The following SMIM14 variants were observed in gnomAD, a reference collection of about 807,000 sequenced individuals.
SMIM14 encodes small integral membrane protein 14, also known as chromosome 4 open reading frame 34.
Under a neutral mutation model 12.6 loss-of-function variants are expected in SMIM14, and 5 were observed. The observed-to-expected ratio is 0.40, with a 90% CI of 0.21 to 0.83. The LOEUF (loss-of-function observed/expected upper bound fraction) is 0.83, where lower values mean the gene tolerates loss of function less well. Among genes scored for constraint, SMIM14 ranks in the 40% least tolerant of loss-of-function variants. The pLI is 0.37. For synonymous variants in SMIM14, 30 were observed against 40.1 expected (o/e 0.75, Z 0.95); for missense variants, 86 against 119.1 (o/e 0.72, Z 1.29).
intron 3 of SMIM14, among the ~76,000 whole-genome samples, chr4:39,566,818 T>C (rs540856858): frequency 6.6e-6 from 1 of 152,064 alleles, no homozygotes; most frequent in Non-Finnish European, 1.5e-5. Flanking sequence ...AGTACAAAAA[T>C]TAGCCAGGCG....
intron 1 of SMIM14, among the ~76,000 whole-genome samples, chr4:39,625,261 A>G (rs1243119306): frequency 2.6e-5 from 4 of 151,868 alleles, no homozygotes; most frequent in Non-Finnish European, 5.9e-5. Context: ...AAGGATGCAG[A>G]CTCAAGTTCA....
chr4:39,588,782 TA>T (rs1304405977), intron 2 of SMIM14, among the ~76,000 whole-genome samples: 1 of 151,852 alleles, frequency 6.6e-6, no homozygotes, highest in Non-Finnish European at 1.5e-5. Context: ...AATGTATTGA[TA>T]TTTTTTGAAA....
At chr4:39,600,463 G>A (rs1714561818) in intron 2 of SMIM14, among the ~76,000 whole-genome samples, 1 of 152,122 alleles carries the variant, frequency 6.6e-6, no homozygotes, top group African/African-American at 2.4e-5. Flanking sequence ...GCCGAGGCGG[G>A]TGGATCACCT....
At chr4:39,602,452 G>A (rs1448827167) in intron 2 of SMIM14, among the ~76,000 whole-genome samples, 1 of 151,944 alleles carries the variant, frequency 6.6e-6, no homozygotes, top group Non-Finnish European at 1.5e-5. Flanking sequence ...AAAAGTAGCT[G>A]GGCGTGGTGG....
chr4:39,607,237 T>C (rs1714848585), intron 1 of SMIM14, among the ~76,000 whole-genome samples: 2 of 152,200 alleles, frequency 1.3e-5, no homozygotes, highest in Non-Finnish European at 2.9e-5. Context: ...TCAAAACTTA[T>C]CAAATTGTAT....
chr4:39,554,202 G>T (rs1711883490), intron 4 of SMIM14, among the ~76,000 whole-genome samples: 1 of 152,196 alleles, frequency 6.6e-6, no homozygotes, highest in Non-Finnish European at 1.5e-5. Context: ...GCCGGGCATG[G>T]TGGCTCATGC....
intron 3 of SMIM14, among the ~76,000 whole-genome samples, chr4:39,568,663 T>C (rs1476002468): frequency 6.6e-6 from 1 of 152,214 alleles, no homozygotes; most frequent in Non-Finnish European, 1.5e-5. Flanking sequence ...CTTTTTCCAA[T>C]TGAATAGTAG....
In SMIM14 at chr4:39,585,703, C is replaced by T. The variant is rs28446152; in HGVS notation, c.76-13240G>A. The stretch of plus-strand genomic sequence containing the variant: ...ATCAAAAGATTAAAGTGAAGATGTA[C>T]GAAGTGGGAAAAAAAAAAGTTGCAG... On this transcript the variant is annotated intron_variant, in intron 2 of 4. Coordinates refer to ENST00000295958, the MANE Select transcript of SMIM14 (RefSeq NM_174921.3). Among the ~76,000 whole-genome samples, 713 of 151,762 alleles carry T rather than the reference C, an allele frequency of 4.7e-3. 11 individuals carry two copies. The highest frequency in any genetic ancestry group is 0.016 in the African/African-American group (665 of 41,266).
At chr4:39,638,307 T>C (rs1195463737) in intron 1 of SMIM14, 1 of 239,650 alleles carries the variant, frequency 4.2e-6, no homozygotes, top group Non-Finnish European at 6.8e-6. Flanking sequence ...GGACGCATCC[T>C]AGTGACTTCA....
chr4:39,589,299 T>C (rs1825416), intron 2 of SMIM14, among the ~76,000 whole-genome samples: 134,245 of 152,156 alleles, frequency 0.88, 60,111 homozygotes, highest in Non-Finnish European at 0.96. Context: ...GTTGACCAGG[T>C]TAGTTTCAAA....
chr4:39,589,163 T>C (rs773141238), intron 2 of SMIM14, among the ~76,000 whole-genome samples: 5 of 152,220 alleles, frequency 3.3e-5, no homozygotes, highest in Non-Finnish European at 5.9e-5. Flanking sequence ...CTCTGCACAC[T>C]GTAACCTCTG....
chr4:39,557,884 C>T (rs185283586), intron 3 of SMIM14, among the ~76,000 whole-genome samples: 13 of 152,274 alleles, frequency 8.5e-5, no homozygotes, highest in African/African-American at 3.1e-4. Flanking sequence ...GAATTACAGT[C>T]TCAACCAAAG....
In SMIM14 at chr4:39,586,858, C is replaced by G. The variant is rs927784544; in HGVS notation, c.76-14395G>C. Among the ~76,000 whole-genome samples, 9 of 152,008 alleles carry G rather than the reference C, an allele frequency of 5.9e-5. No individual in the cohort carries two copies. In the South Asian group the frequency reaches 1.9e-3, roughly 31 times the overall value. On this transcript the variant is annotated intron_variant, in intron 2 of 4. Coordinates refer to ENST00000295958, the MANE Select transcript of SMIM14 (RefSeq NM_174921.3). ...CTGACAACTATGAAGGCTGGGAAATCCAAGATCAAAGTTCTAGCTGATTTG... is the reference window on the plus strand; with the variant it reads ...CTGACAACTATGAAGGCTGGGAAATGCAAGATCAAAGTTCTAGCTGATTTG...
chr4:39,600,854 G>C (rs938502702), intron 2 of SMIM14, among the ~76,000 whole-genome samples: 4 of 152,154 alleles, frequency 2.6e-5, no homozygotes, highest in African/African-American at 9.7e-5. Context: ...CTGGGTGACA[G>C]AGGGAGACTC....
chr4:39,614,046 TGCTGGGCATG>T (rs1715125855), intron 1 of SMIM14, among the ~76,000 whole-genome samples: 1 of 151,622 alleles, frequency 6.6e-6, no homozygotes, highest in African/African-American at 2.4e-5. Context: ...TACAAAAATT[TGCTGGGCATG>T]GTGGTGCACG....
chr4:39,637,160 G>C, intron 1 of SMIM14, among the ~76,000 whole-genome samples: 1 of 152,270 alleles, frequency 6.6e-6, no homozygotes, highest in South Asian at 2.1e-4. Flanking sequence ...TAGTTTAGAA[G>C]GGTATAAACT....
rs1712016511 is a variant in SMIM14 at position 39,556,425 on chromosome 4, T to G, written c.267+3A>C. 1 of 1,608,478 alleles carries G rather than the reference T, an allele frequency of 6.2e-7. No individual in the cohort carries two copies. Among genetic ancestry groups the G allele is most frequent in the Non-Finnish European group, 8.5e-7 (1 of 1,178,576 alleles). ...AAAAGCATTTAAAATCTGCAACACT[T>G]ACATTATGAGGACTGGTTGGCTTTC... is the stretch of plus-strand genomic sequence containing the variant. On this transcript the variant is annotated splice_donor_region_variant and intron_variant, in intron 4 of 4. Transcript: ENST00000295958.
intron 1 of SMIM14, among the ~76,000 whole-genome samples, chr4:39,636,390 A>T (rs1208534258): frequency 6.6e-6 from 1 of 152,166 alleles, no homozygotes; most frequent in Non-Finnish European, 1.5e-5. Flanking sequence ...GAGCCAAACA[A>T]GTGAGGTCTT....
chr4:39,620,256 G>T (rs371583939), intron 1 of SMIM14, among the ~76,000 whole-genome samples: 1 of 151,916 alleles, frequency 6.6e-6, no homozygotes, highest in East Asian at 1.9e-4. Flanking sequence ...GAGGCGGGCG[G>T]ATCACGAGGT....
Sources: gnomAD v4.1 joint callset for allele counts (sites outside exome capture counted in the v4.1 genomes callset) on GRCh38, gnomAD v4.1.1 for gene constraint, MANE v1.5 for transcripts, NCBI Gene and HGNC (gene_info 2026-07-23, HGNC 2026-07-21) for gene names.